USP14: variants seen among roughly 807,000 people sequenced by gnomAD.
USP14 encodes ubiquitin carboxyl-terminal hydrolase 14.
USP14 carries 38 observed loss-of-function variants against 76.5 expected under a neutral mutation model. The ratio of observed to expected loss-of-function variants is 0.50; its 90% confidence interval spans 0.38 to 0.65. USP14 has a LOEUF of 0.65. Ranked by LOEUF, USP14 falls within the 30% of genes least tolerant of loss-of-function variation. The probability of loss-of-function intolerance (pLI) is 0.00; values close to 1 mark genes in which losing one functional copy is unlikely to be tolerated. For missense variants in USP14, 467 were observed against 586.5 expected (o/e 0.80, Z 2.10); for synonymous variants, 192 against 191.7 (o/e 1.00, Z -0.01).
intron 6 of USP14, among the ~76,000 whole-genome samples, chr18:195,907 G>A (rs903626388): frequency 6.6e-6 from 1 of 152,150 alleles, no homozygotes; most frequent in African/African-American, 2.4e-5. Context: ...GAGAGGGAGG[G>A]CTCAGAAGTT....
intron 3 of USP14, among the ~76,000 whole-genome samples, 188 bp from the exon 4 acceptor site, chr18:178,745 A>G (rs1399119902): frequency 6.6e-6 from 1 of 152,150 alleles, no homozygotes; most frequent in Admixed American, 6.6e-5. Context: ...AGAAACTTGT[A>G]CCATTTAAGG....
intron 3 of USP14, among the ~76,000 whole-genome samples, chr18:167,419 A>C (rs1239228285): frequency 2.0e-5 from 3 of 152,212 alleles, no homozygotes; most frequent in African/African-American, 7.2e-5. Context: ...TTGAGTATTA[A>C]AATCCCTGAA....
intron 6 of USP14, among the ~76,000 whole-genome samples, chr18:196,090 A>G (rs2143063408): frequency 6.6e-6 from 1 of 152,164 alleles, no homozygotes; most frequent in East Asian, 1.9e-4. Flanking sequence ...TGGGAGGCCG[A>G]GGCTGGCGGA....
At chr18:208,509 T>C (rs1167003233) in intron 13 of USP14, among the ~76,000 whole-genome samples, 1 of 152,144 alleles carries the variant, frequency 6.6e-6, no homozygotes, top group African/African-American at 2.4e-5. Flanking sequence ...TTTATTCTGC[T>C]TGCCTTGTGA....
At chr18:176,248 A>T (rs569949171) in intron 3 of USP14, among the ~76,000 whole-genome samples, 29 of 151,468 alleles carry the variant, frequency 1.9e-4, no homozygotes, top group East Asian at 1.4e-3. Context: ...TAAATTTTTT[A>T]AAATTTTGAA....
At chr18:190,120 G>A (rs1226021258) in intron 5 of USP14, among the ~76,000 whole-genome samples, 3 of 152,038 alleles carry the variant, frequency 2.0e-5, no homozygotes, top group East Asian at 1.9e-4. Flanking sequence ...TTGGTGGTTC[G>A]TTTATATTCA....
At chr18:183,917 T>C (rs1909856411) in intron 5 of USP14, among the ~76,000 whole-genome samples, 1 of 152,132 alleles carries the variant, frequency 6.6e-6, no homozygotes, top group Admixed American at 6.5e-5. Flanking sequence ...TGGGGTAGCT[T>C]TCTGGCTAGC....
chr18:177,388 C>T (rs901315317), intron 3 of USP14, among the ~76,000 whole-genome samples: 4 of 147,300 alleles, frequency 2.7e-5, no homozygotes, highest in African/African-American at 1.0e-4. Context: ...TGCCACTGCA[C>T]TCCTGCCTGG....
At chr18:158,960 C>T in intron 1 of USP14, 2 of 457,986 alleles carry the variant, frequency 4.4e-6, no homozygotes, top group Non-Finnish European at 7.0e-6. Flanking sequence ...GGGGAAGCCT[C>T]TCAAAGTCGT....
intron 3 of USP14, among the ~76,000 whole-genome samples, chr18:174,861 T>C (rs1266402365): frequency 6.6e-6 from 1 of 152,080 alleles, no homozygotes; most frequent in Non-Finnish European, 1.5e-5. Flanking sequence ...CTGTAGTTTC[T>C]GCCTCCCAGG....
intron 1 of USP14, among the ~76,000 whole-genome samples, chr18:162,681 A>T (rs1909154680): frequency 6.6e-6 from 1 of 152,182 alleles, no homozygotes; most frequent in African/African-American, 2.4e-5. Flanking sequence ...TGCGAAACTT[A>T]TCATTTTGGG....
chr18:175,788 C>T (rs981184309), intron 3 of USP14, among the ~76,000 whole-genome samples: 3 of 151,998 alleles, frequency 2.0e-5, no homozygotes, highest in African/African-American at 7.2e-5. Context: ...TTTATTTCTG[C>T]TCCCACTCCA....
At chr18:166,009 A>AC (rs1269449125) in intron 2 of USP14, among the ~76,000 whole-genome samples, 2 of 101,900 alleles carry the variant, frequency 2.0e-5, no homozygotes, top group African/African-American at 6.3e-5. Context: ...CATTTAAAAA[A>AC]AAAATTCTTG....
chr18:180,368 G>T, intron 5 of USP14, 29 bp downstream of exon 5: 1 of 1,410,310 alleles, frequency 7.1e-7, no homozygotes, highest in Non-Finnish European at 9.8e-7. Context: ...TTGGGTAAGG[G>T]ATGTTCACAT....
chr18:181,046 G>A (rs1034637183), intron 5 of USP14, among the ~76,000 whole-genome samples: 2 of 147,868 alleles, frequency 1.4e-5, no homozygotes, highest in Admixed American at 6.8e-5. Flanking sequence ...GTATTTCATG[G>A]TTCATTCATG....
intron 5 of USP14, among the ~76,000 whole-genome samples, chr18:182,287 C>G (rs1271490171): frequency 6.6e-6 from 1 of 152,122 alleles, no homozygotes; most frequent in Non-Finnish European, 1.5e-5. Flanking sequence ...ATACAACTGT[C>G]TTGATACATA....
chr18:171,025 A>AAAAAAAAATATATAT (rs1327304974), intron 3 of USP14, among the ~76,000 whole-genome samples: 5 of 47,682 alleles, frequency 1.0e-4, no homozygotes, highest in African/African-American at 4.4e-4. Context: ...AAAAAAAAAA[A>AAAAAAAAATATATAT]ATATATATAT....
In USP14 at chr18:197,599, CT is replaced by C. The variant is rs755545639; in HGVS notation, c.595-10del. 1 of 1,598,912 alleles carries C rather than the reference CT, an allele frequency of 6.3e-7. No homozygotes were observed. Among genetic ancestry groups the C allele is most frequent in the Non-Finnish European group, 8.5e-7 (1 of 1,170,140 alleles). ...TCACTGCCAGGATTACTTACTTTGT[CT>C]TTTTTTACATTACAGGATGCTAATG... On this transcript the variant is annotated splice_polypyrimidine_tract_variant and intron_variant, in intron 7 of 15. Transcript: ENST00000261601.
intron 4 of USP14, 109 bp from the exon 5 acceptor site, chr18:180,127 G>A (rs1390056092): frequency 3.7e-6 from 2 of 543,938 alleles, no homozygotes; most frequent in South Asian, 3.0e-5. Flanking sequence ...GTAGAAGCTA[G>A]TAAATGGTAC....
Sources: gnomAD v4.1 joint callset for allele counts (sites outside exome capture counted in the v4.1 genomes callset) on GRCh38, gnomAD v4.1.1 for gene constraint, MANE v1.5 for transcripts, NCBI Gene and HGNC (gene_info 2026-07-23, HGNC 2026-07-21) for gene names.